The following HDAC9 variants were observed in gnomAD, a reference collection of about 807,000 sequenced individuals.
The protein encoded by HDAC9 is histone deacetylase 9, also known as MEF-2 interacting transcription repressor (MITR) protein.
Under a neutral mutation model 139.4 loss-of-function variants are expected in HDAC9, and 41 were observed. The observed-to-expected ratio is 0.29, with a 90% confidence interval of 0.23 to 0.38. HDAC9 has a LOEUF of 0.38. HDAC9 is among the 10% of genes least tolerant of loss of function. The probability of loss-of-function intolerance (pLI) is 1.00; values close to 1 mark genes in which losing one functional copy is unlikely to be tolerated. For missense variants in HDAC9, 1,147 were observed against 1,297.0 expected (o/e 0.88, Z 1.78); for synonymous variants, 517 against 476.2 (o/e 1.09, Z -1.12).
intron 12 of HDAC9, among the ~76,000 whole-genome samples, chr7:18,724,663 A>G (rs1178124): frequency 0.16 from 24,389 of 152,158 alleles, 2,599 homozygotes; most frequent in East Asian, 0.43. Context: ...CAGTAGGTGA[A>G]AGGGATTTTT....
At chr7:18,250,625 CA>C (rs1562794228) in intron 2 of HDAC9, among the ~76,000 whole-genome samples, 2 of 152,156 alleles carry the variant, frequency 1.3e-5, no homozygotes, top group African/African-American at 2.4e-5. Flanking sequence ...TATTTTTTAG[CA>C]AATGAGTTAC....
chr7:18,770,355 G>A (rs1055623089), intron 16 of HDAC9, among the ~76,000 whole-genome samples: 1 of 152,108 alleles, frequency 6.6e-6, no homozygotes, highest in African/African-American at 2.4e-5. Context: ...CTTGGTCATG[G>A]TGTAGTAAAA....
rs1473702554 is a variant in HDAC9 at position 18,975,950 on chromosome 7, G to C, written c.3167G>C (p.Ser1056Thr). 1 of 1,613,386 alleles carries C rather than the reference G, an allele frequency of 6.2e-7. No homozygotes were observed. Among genetic ancestry groups the C allele is most frequent in the South Asian group, 1.1e-5 (1 of 91,030 alleles). ...GAACAGCCCTTTGCTCAGGAAGACA[G>C]CAGGTATGAATCCAACGTGCGGGAA... is the stretch of plus-strand genomic sequence containing the variant. ...DVEQPFAQEDSRTAGEPMEEE... is the reference protein window; with the variant it reads ...DVEQPFAQEDTRTAGEPMEEE... The change falls in exon 25 of 26, where the codon AGC becomes ACC. Residue 1056 changes from serine to threonine, a missense_variant. Coordinates refer to ENST00000686413, the MANE Select transcript of HDAC9 (RefSeq NM_178425.4).
chr7:18,872,287 A>G (rs1798980850), intron 21 of HDAC9, among the ~76,000 whole-genome samples: 1 of 152,156 alleles, frequency 6.6e-6, no homozygotes, highest in South Asian at 2.1e-4. Flanking sequence ...GAAAACCCAC[A>G]GGAAATTAGA....
At chr7:18,581,731 C>A (rs1320426773) in intron 2 of HDAC9, among the ~76,000 whole-genome samples, 2 of 152,098 alleles carry the variant, frequency 1.3e-5, no homozygotes, top group East Asian at 3.9e-4. Context: ...TATGCCAAGT[C>A]TTTTAGTTAA....
At chr7:18,730,726 C>A (rs553592712) in intron 13 of HDAC9, among the ~76,000 whole-genome samples, 1 of 152,290 alleles carries the variant, frequency 6.6e-6, no homozygotes, top group East Asian at 1.9e-4. Flanking sequence ...TCACAAATTT[C>A]TTTTTTCTTC....
chr7:18,615,521 A>T (rs1300941617), intron 6 of HDAC9, among the ~76,000 whole-genome samples: 1 of 152,220 alleles, frequency 6.6e-6, no homozygotes, highest in Non-Finnish European at 1.5e-5. Context: ...TATTTAAAGG[A>T]AATAAATTAT....
chr7:18,486,510 A>T (rs559575047), intron 1 of HDAC9, among the ~76,000 whole-genome samples: 2 of 152,224 alleles, frequency 1.3e-5, no homozygotes, highest in East Asian at 3.9e-4. Context: ...AGAGTGTCTC[A>T]TCAATGTGTT....
chr7:18,618,421 G>C (rs1318915234), intron 6 of HDAC9, among the ~76,000 whole-genome samples: 1 of 152,014 alleles, frequency 6.6e-6, no homozygotes, highest in African/African-American at 2.4e-5. Context: ...GGTTTATGAT[G>C]ATACCCAGGA....
At chr7:18,463,466 T>A (rs1794019792) in intron 1 of HDAC9, among the ~76,000 whole-genome samples, 1 of 151,986 alleles carries the variant, frequency 6.6e-6, no homozygotes, top group Non-Finnish European at 1.5e-5. Flanking sequence ...CAGTTGTGTA[T>A]GTTTGGCTAG....
Position 18,827,356 on chromosome 7 carries a change from A to G in HDAC9, c.2323-1805A>G, listed in dbSNP as rs572870890. On this transcript the variant is annotated intron_variant, in intron 17 of 25. Transcript: ENST00000686413. ...TAGTTAATGGCACCCTTAAGGCAGA[A>G]ATTTTTTAACTAGATGACTAAATCA... 5.2e-4 allele frequency among the ~76,000 whole-genome samples: 79 copies of G among 152,218 alleles called. 1 individual carries two copies. The South Asian group carries it at 0.014, about 26-fold the overall frequency.
chr7:18,430,592 C>A (rs1790549792), intron 1 of HDAC9: 1 of 152,010 alleles, frequency 6.6e-6, no homozygotes, highest in Admixed American at 6.6e-5. Context: ...TAAGTAAAAC[C>A]CTCACCAGGC....
At position 18,588,471 on chromosome 7, in the gene HDAC9, A is replaced by G. The variant is rs753301818; in HGVS notation, c.265-1865A>G. Among the ~76,000 whole-genome samples, 110 of 152,276 alleles carry G rather than the reference A, an allele frequency of 7.2e-4. 1 individual carries two copies. The highest frequency in any genetic ancestry group is 3.6e-3 in the Admixed American group (55 of 15,288). ...TATAAAATTCATTTATATTTCATAT[A>G]CACCTTATACACATAGCCTGAAGGT... On this transcript the variant is annotated intron_variant, in intron 3 of 25. Coordinates refer to ENST00000686413, the MANE Select transcript of HDAC9 (RefSeq NM_178425.4).
intron 9 of HDAC9, among the ~76,000 whole-genome samples, chr7:18,647,329 A>G (rs1324964278): frequency 6.6e-6 from 1 of 152,158 alleles, no homozygotes; most frequent in African/African-American, 2.4e-5. Context: ...TGACATATGT[A>G]TACATCGTAG....
At chr7:18,914,461 C>T (rs1435454686) in intron 22 of HDAC9, among the ~76,000 whole-genome samples, 1 of 151,642 alleles carries the variant, frequency 6.6e-6, no homozygotes, top group Non-Finnish European at 1.5e-5. Context: ...ATAAGTAACC[C>T]CCATAGCACA....
intron 1 of HDAC9, among the ~76,000 whole-genome samples, chr7:18,093,009 C>T (rs1312138615): frequency 1.3e-5 from 2 of 152,116 alleles, no homozygotes; most frequent in East Asian, 3.9e-4. Flanking sequence ...GTGGTCTACC[C>T]TCATTTTATA....
intron 1 of HDAC9, among the ~76,000 whole-genome samples, chr7:18,405,010 G>A (rs1787879915): frequency 6.6e-6 from 1 of 152,210 alleles, no homozygotes; most frequent in African/African-American, 2.4e-5. Flanking sequence ...TGGGGACTAT[G>A]TGGACACACC....
At chr7:18,186,566 T>C (rs777362120) in intron 2 of HDAC9, among the ~76,000 whole-genome samples, 15 of 152,154 alleles carry the variant, frequency 9.9e-5, no homozygotes, top group Non-Finnish European at 1.8e-4. Flanking sequence ...AGAAGAGAGC[T>C]CTTCTGGATT....
chr7:18,656,024 A>G (rs1385885728), intron 11 of HDAC9, among the ~76,000 whole-genome samples: 1 of 151,894 alleles, frequency 6.6e-6, no homozygotes, highest in East Asian at 1.9e-4. Flanking sequence ...GTAGACATGA[A>G]AACTGCCAGT....
Sources: allele counts gnomAD v4.1 joint callset (sites outside exome capture counted in the v4.1 genomes callset), GRCh38; gene constraint gnomAD v4.1.1; transcripts MANE v1.5; gene names NCBI Gene and HGNC (gene_info 2026-07-23, HGNC 2026-07-21).